NDUFS2: variants seen among roughly 807,000 people sequenced by gnomAD.
The protein encoded by NDUFS2 is NADH dehydrogenase [ubiquinone] iron-sulfur protein 2, mitochondrial.
Under a neutral mutation model 69.6 loss-of-function variants are expected in NDUFS2, and 38 were observed. That is an observed-to-expected ratio of 0.55 (90% CI 0.42 to 0.72). The LOEUF is 0.72. Ranked by LOEUF, NDUFS2 falls within the 30% of genes least tolerant of loss-of-function variation. NDUFS2 has a pLI of 0.00. For synonymous variants in NDUFS2, 194 were observed against 211.2 expected (o/e 0.92, Z 0.70); for missense variants, 468 against 595.0 (o/e 0.79, Z 2.22).
At chr1:161,202,303 C>A (rs1487548828), upstream of NDUFS2, 1 of 1,376,946 alleles carries the variant, frequency 7.3e-7, no homozygotes, top group Non-Finnish European at 1.0e-6. Context: ...CTTCACTGTG[C>A]GAATAGGTGA....
chr1:161,214,250 C>T lies in NDUFS2; in HGVS notation c.*57C>T. The T allele has an allele frequency of 1.3e-6, 2 of 1,515,340 alleles. No homozygotes were observed. Among genetic ancestry groups the T allele is most frequent in the South Asian group, 1.1e-5 (1 of 88,258 alleles). The allele number at this position is 1,515,340 out of a possible 1,614,324, so 93.9% of individuals were successfully genotyped here. A position where few individuals can be genotyped will look rare whatever the true frequency, so the allele number is the denominator to read the frequency against. On this transcript the variant is annotated 3_prime_UTR_variant, in exon 14 of 14. Coordinates refer to ENST00000676972, the MANE Select transcript of NDUFS2 (RefSeq NM_001377299.1). ...ATCAGCTTCTTCTGTGGAGCCTGTTCCTCACTGGAAATTGGCCTCTGTGTG... is the reference window on the plus strand; with the variant it reads ...ATCAGCTTCTTCTGTGGAGCCTGTTTCTCACTGGAAATTGGCCTCTGTGTG...
intron 2 of NDUFS2, 95 bp from the exon 3 acceptor site, chr1:161,206,312 T>A (rs1665457437): frequency 4.7e-6 from 6 of 1,284,724 alleles, no homozygotes; most frequent in Admixed American, 1.9e-5. Context: ...GAATGGTGAG[T>A]TAGAAAATCT....
intron 3 of NDUFS2, among the ~76,000 whole-genome samples, chr1:161,207,740 A>AGATTAAAAAAAAAAAC (rs1665546549): frequency 6.6e-6 from 1 of 151,308 alleles, no homozygotes; most frequent in Non-Finnish European, 1.5e-5. Flanking sequence ...AAAAAAAAAA[A>AGATTAAAAAAAAAAAC]GATTAAAAAA....
rs1425261143 is a variant in NDUFS2, at chr1:161,213,447, C to T, written c.1184C>T (p.Ala395Val). ...GAGGGCTACCAAGTTCCTCCAGGAG[C>T]CACATATACTGCCATTGAGGCTCCC... ...YTEGYQVPPG[A>V]TYTAIEAPKG... The change falls in exon 11 of 14, where the codon GCC becomes GTC. Residue 395 changes from alanine to valine, a missense_variant. By Grantham distance (64) the Ala-to-Val change is moderately conservative. Around this residue, in one of 3 missense-constraint regions of NDUFS2, gnomAD observed 72 missense variants for 118.9 expected, o/e 0.61. Coordinates refer to ENST00000676972, the MANE Select transcript of NDUFS2 (RefSeq NM_001377299.1). 7.5e-6 allele frequency: 12 copies of T among 1,610,664 alleles called. No homozygotes were observed.
chr1:161,204,507 G>A (rs1013279543), intron 2 of NDUFS2, among the ~76,000 whole-genome samples: 1 of 152,036 alleles, frequency 6.6e-6, no homozygotes, highest in African/African-American at 2.4e-5. Flanking sequence ...CTGAGTTTTT[G>A]CCGCTGATGT....
intron 9 of NDUFS2, 98 bp downstream of exon 9, chr1:161,210,808 T>C: frequency 6.4e-7 from 1 of 1,565,152 alleles, no homozygotes; most frequent in South Asian, 1.1e-5. Context: ...TCTCAGTGTC[T>C]GTGGGAGCTC....
At chr1:161,203,603 T>C (rs1001657940) in intron 2 of NDUFS2, 60 bp downstream of exon 2, 195 of 1,407,276 alleles carry the variant, frequency 1.4e-4, no homozygotes, top group Middle Eastern at 7.1e-4. Flanking sequence ...CTGATTTCCT[T>C]TTCTTTTTTT....
chr1:161,203,716 C>T (rs1227634785), intron 2 of NDUFS2, 173 bp downstream of exon 2: 3 of 666,610 alleles, frequency 4.5e-6, no homozygotes, highest in African/African-American at 1.8e-5. Context: ...CTGTCTCAGC[C>T]TCCCCAGAAA....
At chr1:161,210,856 C>A in intron 9 of NDUFS2, 146 bp downstream of exon 9, 1 of 1,232,460 alleles carries the variant, frequency 8.1e-7, no homozygotes, top group Non-Finnish European at 1.2e-6. Flanking sequence ...AAAACACTTT[C>A]ACATATATGG....
At position 161,203,431 on chromosome 1, in the gene NDUFS2, C is replaced by A; in HGVS notation, c.96-6C>A. ...CTTTGTCTAGGATCTGTCTTTGACT[C>A]CCCAGAGGTGTTCGGCAGTGGCAGC... On this transcript the variant is annotated splice_polypyrimidine_tract_variant and splice_region_variant and intron_variant, in intron 1 of 13. Coordinates refer to ENST00000676972, the MANE Select transcript of NDUFS2 (RefSeq NM_001377299.1). 6.2e-7 allele frequency: 1 copy of A among 1,613,286 alleles called. No homozygotes were observed.
intron 4 of NDUFS2, 47 bp downstream of exon 4, chr1:161,209,360 G>C: frequency 6.2e-7 from 1 of 1,613,932 alleles, no homozygotes; most frequent in South Asian, 1.1e-5. Flanking sequence ...GCATAGCATA[G>C]TGCCTTTTCC....
chr1:161,209,378 C>A lies in NDUFS2; in HGVS notation c.514+65C>A. 2.5e-6 allele frequency: 4 copies of A among 1,612,504 alleles called. No individual in the cohort carries two copies. In the South Asian group the frequency reaches 4.4e-5, roughly 18 times the overall value. ...TAGCATAGTGCCTTTTCCACCACTT[C>A]CCCGTTGAACCCAAGCTTAGTGTTC... On this transcript the variant is annotated intron_variant, in intron 4 of 13. Transcript: ENST00000676972.
chr1:161,209,564 C>A lies in NDUFS2; in HGVS notation c.596C>A (p.Pro199His). Reference sequence around the variant, plus strand: ...GCCCTGGACCTTGGGGCCATGACCCCTTTCTTCTGGCTGTTTGAAGAAAGG... The same window carrying A: ...GCCCTGGACCTTGGGGCCATGACCCATTTCTTCTGGCTGTTTGAAGAAAGG... The part of the protein sequence containing the change: ...THALDLGAMT[P>H]FFWLFEEREK... Residue 199 changes from proline to histidine, a missense_variant, in exon 5 of 14, where the codon CCT becomes CAT. Coordinates refer to ENST00000676972, the MANE Select transcript of NDUFS2 (RefSeq NM_001377299.1). The A allele has an allele frequency of 6.2e-7, 1 of 1,613,088 alleles. No individual in the cohort carries two copies. Among genetic ancestry groups the A allele is most frequent in the Non-Finnish European group, 8.5e-7 (1 of 1,179,990 alleles).
chr1:161,198,578 A>G (rs1664972315), upstream of NDUFS2: 1 of 1,548,546 alleles, frequency 6.5e-7, no homozygotes, highest in Admixed American at 2.0e-5. The surrounding 1 kb of genome is among the most constrained non-coding windows in gnomAD (Gnocchi z 4.7). Flanking sequence ...GGCTCCCCAC[A>G]GCCAGCGCCC....
Position 161,214,278 on chromosome 1 carries a change from T to C in NDUFS2, c.*85T>C. On this transcript the variant is annotated 3_prime_UTR_variant, in exon 14 of 14. Coordinates refer to ENST00000676972, the MANE Select transcript of NDUFS2 (RefSeq NM_001377299.1). ...CACTGGAAATTGGCCTCTGTGTGTG[T>C]GTGTGTGTGTGTGTGTGTGTGTATG... 2 of 1,083,140 alleles carry C rather than the reference T, an allele frequency of 1.8e-6. No individual in the cohort carries two copies. The highest frequency in any genetic ancestry group is 2.8e-6 in the Non-Finnish European group (2 of 714,566). The allele number at this position is 1,083,140 out of a possible 1,614,324, so 67.1% of individuals were successfully genotyped here.
At chr1:161,206,680 G>A (rs759564329) in intron 3 of NDUFS2, 83 bp downstream of exon 3, 9 of 1,428,680 alleles carry the variant, frequency 6.3e-6, no homozygotes, top group South Asian at 1.2e-5. Flanking sequence ...CCCTTAAAAC[G>A]TGAGGGGAGG....
rs757284722 is a variant in NDUFS2 at position 161,209,592 on chromosome 1, G to T, written c.624G>T (p.Glu208Asp). The T allele has an allele frequency of 1.2e-6, 2 of 1,609,166 alleles. No individual in the cohort carries two copies. Among genetic ancestry groups the T allele is most frequent in the Admixed American group, 3.3e-5 (2 of 59,904 alleles). Reference sequence around the variant, plus strand: ...TCTTCTGGCTGTTTGAAGAAAGGGAGAAGGTAAGAGTGGGAGGAAAGGATA... The same window carrying T: ...TCTTCTGGCTGTTTGAAGAAAGGGATAAGGTAAGAGTGGGAGGAAAGGATA... ...TPFFWLFEER[E>D]KMFEFYERVS... The change falls in exon 5 of 14, where the codon GAG becomes GAT. Residue 208 changes from glutamate (E) to aspartate (D), a missense_variant. Around this residue, in one of 3 missense-constraint regions of NDUFS2, gnomAD observed 339 missense variants for 433.8 expected, o/e 0.78. Transcript: ENST00000676972.
At chr1:161,201,736 G>A (rs1044592125), upstream of NDUFS2, among the ~76,000 whole-genome samples, 1 of 152,154 alleles carries the variant, frequency 6.6e-6, no homozygotes, top group Non-Finnish European at 1.5e-5. Context: ...CCCCATCTGG[G>A]ATGAGGTGGC....
chr1:161,203,657 G>A, intron 2 of NDUFS2, 114 bp downstream of exon 2: 1 of 894,046 alleles, frequency 1.1e-6, no homozygotes. Context: ...GTGCAGTGGT[G>A]CGAAAGTGGC....
Sources: allele counts gnomAD v4.1 joint callset (sites outside exome capture counted in the v4.1 genomes callset), GRCh38; gene constraint gnomAD v4.1.1; regional missense constraint gnomAD v4.1.1; non-coding constraint Gnocchi (gnomAD v3.1); transcripts MANE v1.5; gene names NCBI Gene and HGNC (gene_info 2026-07-23, HGNC 2026-07-21).